WDPCP: variants seen among roughly 807,000 people sequenced by gnomAD.
WDPCP encodes the protein WD repeat containing planar cell polarity effector.
Under a neutral mutation model 93.1 loss-of-function variants are expected in WDPCP, and 71 were observed. The observed-to-expected ratio is 0.76, with a 90% CI of 0.63 to 0.93. The LOEUF (loss-of-function observed/expected upper bound fraction) is 0.93, where lower values mean the gene tolerates loss of function less well. Among genes scored for constraint, WDPCP ranks in the 40% least tolerant of loss-of-function variants. WDPCP has a pLI of 0.00. For synonymous variants in WDPCP, 315 were observed against 315.0 expected, an observed-to-expected ratio of 1.00 and a Z score of 0.00; for missense variants, 844 against 887.4, an observed-to-expected ratio of 0.95 and a Z score of 0.62.
chr2:63,813,903 CTAA>C (rs1288104388), intron 1 of WDPCP, among the ~76,000 whole-genome samples: 1 of 152,090 alleles, frequency 6.6e-6, no homozygotes, highest in Non-Finnish European at 1.5e-5. Flanking sequence ...CTGATAAATA[CTAA>C]TATGTTTTCT....
chr2:63,624,541 TA>T, intron 3 of WDPCP, among the ~76,000 whole-genome samples: 2 of 152,266 alleles, frequency 1.3e-5, no homozygotes, highest in Middle Eastern at 3.4e-3. Flanking sequence ...CATCAGAGAA[TA>T]CTATAAACAT....
chr2:63,415,933 G>C (rs1695383613), intron 9 of WDPCP, among the ~76,000 whole-genome samples: 1 of 152,142 alleles, frequency 6.6e-6, no homozygotes, highest in Non-Finnish European at 1.5e-5. Flanking sequence ...GGTTGAAAAA[G>C]TTTGGAAGGG....
intron 12 of WDPCP, among the ~76,000 whole-genome samples, chr2:63,338,902 TA>T (rs1473804805): frequency 6.6e-6 from 1 of 151,932 alleles, no homozygotes; most frequent in Non-Finnish European, 1.5e-5. Flanking sequence ...GTTTTTTTTC[TA>T]TTTTTGTGAA....
At chr2:63,344,570 A>G (rs1185355953) in intron 12 of WDPCP, among the ~76,000 whole-genome samples, 7 of 152,094 alleles carry the variant, frequency 4.6e-5, no homozygotes, top group Non-Finnish European at 1.0e-4. Context: ...TATTCACCCA[A>G]ATATCTTTCT....
intron 2 of WDPCP, among the ~76,000 whole-genome samples, chr2:63,712,574 G>A (rs1669278724): frequency 6.6e-6 from 1 of 152,134 alleles, no homozygotes; most frequent in Non-Finnish European, 1.5e-5. Context: ...ACATCTTCCT[G>A]AATATGTTTG....
chr2:63,504,689 AT>A (rs1471372543), intron 1 of WDPCP, among the ~76,000 whole-genome samples: 1 of 152,018 alleles, frequency 6.6e-6, no homozygotes, highest in African/African-American at 2.4e-5. Context: ...GACTTGTATA[AT>A]TAATCCATGG....
In WDPCP at chr2:63,174,821, G is replaced by A; in HGVS notation, c.1927C>T (p.Pro643Ser). 6.2e-7 allele frequency: 1 copy of A among 1,613,784 alleles called. No individual in the cohort carries two copies. The highest frequency in any genetic ancestry group is 1.3e-5 in the African/African-American group (1 of 75,000). ...TTTAGCATATCCCCTCTGTCCAAGG[G>A]TCCCAGGAGTTCTGTTGAAAATGAT... ...SITSGVELLG[P>S]LDRGDMLNEA... Residue 643 changes from proline to serine, a missense_variant, in exon 15 of 18, where the codon CCC (proline) becomes TCC (serine). Transcript: ENST00000272321.
intron 2 of WDPCP, among the ~76,000 whole-genome samples, chr2:63,791,379 G>A (rs1351824625): frequency 1.3e-5 from 2 of 152,126 alleles, no homozygotes; most frequent in Non-Finnish European, 2.9e-5. Context: ...TTCTTTATGG[G>A]ATGGAGACTT....
intron 9 of WDPCP, among the ~76,000 whole-genome samples, chr2:63,412,229 G>C (rs185459500): frequency 1.3e-5 from 2 of 152,050 alleles, no homozygotes; most frequent in African/African-American, 2.4e-5. Context: ...TTTAACATAC[G>C]CAAGTCAATA....
chr2:63,202,709 C>T (rs1362926913), intron 14 of WDPCP, among the ~76,000 whole-genome samples: 2 of 152,140 alleles, frequency 1.3e-5, no homozygotes, highest in African/African-American at 2.4e-5. Context: ...TGAAAGCCCT[C>T]CTTCTGTCTC....
At chr2:63,423,078 A>G (rs1270989483) in intron 9 of WDPCP, among the ~76,000 whole-genome samples, 2 of 152,344 alleles carry the variant, frequency 1.3e-5, no homozygotes, top group East Asian at 3.9e-4. Flanking sequence ...ATCATGACAG[A>G]GCACATGGAG....
At chr2:63,454,825 A>G (rs1401798756) in intron 6 of WDPCP, among the ~76,000 whole-genome samples, 1 of 152,206 alleles carries the variant, frequency 6.6e-6, no homozygotes, top group Non-Finnish European at 1.5e-5. Flanking sequence ...AAAATAATCT[A>G]GTCATAAAGG....
chr2:63,263,117 G>GAGTT (rs1681788066), intron 13 of WDPCP, among the ~76,000 whole-genome samples: 1 of 152,104 alleles, frequency 6.6e-6, no homozygotes, highest in Non-Finnish European at 1.5e-5. Flanking sequence ...AGGTCTGACA[G>GAGTT]AGTTAATTAA....
intron 1 of WDPCP, among the ~76,000 whole-genome samples, chr2:63,560,974 A>G (rs1706568614): frequency 6.6e-6 from 1 of 152,230 alleles, no homozygotes; most frequent in African/African-American, 2.4e-5. Flanking sequence ...TAGAACTTAA[A>G]GTATAATAAA....
At chr2:63,551,322 T>C (rs1204828393) in intron 1 of WDPCP, among the ~76,000 whole-genome samples, 2 of 152,154 alleles carry the variant, frequency 1.3e-5, no homozygotes, top group African/African-American at 2.4e-5. Flanking sequence ...ATCCCTAGTG[T>C]TGGAGATGGG....
In WDPCP at chr2:63,324,448, G is replaced by C. The variant is rs1031825485; in HGVS notation, c.1749-11137C>G. On this transcript the variant is annotated intron_variant, in intron 12 of 17. Coordinates refer to ENST00000272321, the MANE Select transcript of WDPCP (RefSeq NM_015910.7). ...TCAAGCTGTAGGGGAAGGGGAATTT[G>C]GCCCAACCCAGGTACATGTCCCCTT... 3.3e-5 allele frequency among the ~76,000 whole-genome samples: 5 copies of C among 152,130 alleles called. No homozygotes were observed. In the East Asian group the frequency reaches 5.8e-4, roughly 18 times the overall value.
chr2:63,184,808 T>C (rs1392553322), intron 14 of WDPCP, among the ~76,000 whole-genome samples: 1 of 152,200 alleles, frequency 6.6e-6, no homozygotes, highest in Non-Finnish European at 1.5e-5. Flanking sequence ...TTAAATGATT[T>C]TCAAAACTTT....
At chr2:63,459,517 C>A (rs1698863664) in intron 6 of WDPCP, among the ~76,000 whole-genome samples, 2 of 152,020 alleles carry the variant, frequency 1.3e-5, no homozygotes, top group South Asian at 4.1e-4. Flanking sequence ...ATTTAAAAGA[C>A]AAAAAATAAC....
At chr2:63,661,966 G>C (rs1188684195) in intron 2 of WDPCP, among the ~76,000 whole-genome samples, 1 of 152,092 alleles carries the variant, frequency 6.6e-6, no homozygotes, top group Non-Finnish European at 1.5e-5. Flanking sequence ...TAGAACAGCT[G>C]GCAAGAGAGA....
Sources: allele counts gnomAD v4.1 joint callset (sites outside exome capture counted in the v4.1 genomes callset), GRCh38; gene constraint gnomAD v4.1.1; transcripts MANE v1.5; gene names NCBI Gene and HGNC (gene_info 2026-07-23, HGNC 2026-07-21).